ATP8A1: variants seen among roughly 807,000 people sequenced by gnomAD.
ATP8A1 encodes the protein phospholipid-transporting ATPase IA.
In ATP8A1, 90 loss-of-function variants were observed where a neutral mutation model predicts 177.7. That is an observed-to-expected ratio of 0.51 (90% CI 0.43 to 0.60). The LOEUF (loss-of-function observed/expected upper bound fraction) is 0.60, where lower values mean the gene tolerates loss of function less well. Among genes scored for constraint, ATP8A1 ranks in the 20% least tolerant of loss-of-function variants. The pLI is 0.00. For synonymous variants in ATP8A1, 493 were observed against 485.9 expected (o/e 1.01, Z -0.19); for missense variants, 1,072 against 1,392.8 (o/e 0.77, Z 3.67).
intron 24 of ATP8A1, among the ~76,000 whole-genome samples, chr4:42,489,179 G>A (rs1722499669): frequency 6.6e-6 from 1 of 152,258 alleles, no homozygotes; most frequent in Non-Finnish European, 1.5e-5. Flanking sequence ...TTGCCCAAGT[G>A]ATTTCTGAGC....
chr4:42,575,819 T>A, intron 12 of ATP8A1, 120 bp from the exon 13 acceptor site: 1 of 805,558 alleles, frequency 1.2e-6, no homozygotes, highest in Non-Finnish European at 2.0e-6. Flanking sequence ...GAACTATATG[T>A]AGGCACTAAT....
chr4:42,638,993 G>A (rs1420016850), intron 1 of ATP8A1, among the ~76,000 whole-genome samples: 1 of 152,144 alleles, frequency 6.6e-6, no homozygotes, highest in African/African-American at 2.4e-5. Flanking sequence ...GACTGTCAAA[G>A]GGGAATACCA....
intron 20 of ATP8A1, among the ~76,000 whole-genome samples, chr4:42,542,964 A>G (rs1346692247): frequency 6.6e-6 from 1 of 152,122 alleles, no homozygotes; most frequent in Non-Finnish European, 1.5e-5. Flanking sequence ...TTATCTTCCT[A>G]TCTCCAAAAT....
chr4:42,556,685 A>C (rs2153213596), intron 15 of ATP8A1, among the ~76,000 whole-genome samples: 1 of 152,272 alleles, frequency 6.6e-6, no homozygotes, highest in Middle Eastern at 3.4e-3. Context: ...GGAGTCAATT[A>C]TCTCTGCAAA....
chr4:42,434,412 C>T (rs1006820182), intron 33 of ATP8A1, among the ~76,000 whole-genome samples: 2 of 152,132 alleles, frequency 1.3e-5, no homozygotes, highest in Admixed American at 6.5e-5. Context: ...CTGTAAAACA[C>T]AATAACCTGC....
intron 5 of ATP8A1, among the ~76,000 whole-genome samples, chr4:42,601,126 C>A (rs1337075856): frequency 6.7e-6 from 1 of 149,358 alleles, no homozygotes; most frequent in African/African-American, 2.5e-5. Flanking sequence ...ACCTCCGCCT[C>A]CCAGGTTCAA....
chr4:42,597,780 A>T (rs921867656), intron 6 of ATP8A1, among the ~76,000 whole-genome samples: 1 of 152,166 alleles, frequency 6.6e-6, no homozygotes. Flanking sequence ...TCTCAATATA[A>T]ATAGCCAAAC....
chr4:42,473,450 G>A (rs1720687861), intron 25 of ATP8A1, among the ~76,000 whole-genome samples: 1 of 151,976 alleles, frequency 6.6e-6, no homozygotes, highest in African/African-American at 2.4e-5. Context: ...GCTCTCAACT[G>A]GGAAGCACTT....
At chr4:42,625,010 TTTTTGTAAACGAAGTCAATAAACG>T (rs374924219) in intron 3 of ATP8A1, 6 of 155,474 alleles carry the variant, frequency 3.9e-5, no homozygotes, top group African/African-American at 1.4e-4. Flanking sequence ...TATGATCCCC[TTTTTGTAAACGAAGTCAATAAACG>T]ATGCTTGGGA....
intron 24 of ATP8A1, among the ~76,000 whole-genome samples, chr4:42,497,244 G>A (rs1483964846): frequency 6.6e-6 from 1 of 152,174 alleles, no homozygotes; most frequent in African/African-American, 2.4e-5. Context: ...ATCTGGAACT[G>A]AGACAAACAC....
At chr4:42,443,805 C>G (rs1451544049) in intron 32 of ATP8A1, 133 bp from the exon 33 acceptor site, 2 of 553,518 alleles carry the variant, frequency 3.6e-6, no homozygotes, top group African/African-American at 3.8e-5. Context: ...GAGTTTCTAC[C>G]TAATTGTGTG....
At chr4:42,451,012 T>C (rs1717873882) in intron 30 of ATP8A1, among the ~76,000 whole-genome samples, 1 of 152,114 alleles carries the variant, frequency 6.6e-6, no homozygotes, top group African/African-American at 2.4e-5. Flanking sequence ...ACCTGAGGCA[T>C]CGGAGGGGAG....
chr4:42,597,183 G>A (rs563672485), intron 6 of ATP8A1, among the ~76,000 whole-genome samples: 117 of 152,266 alleles, frequency 7.7e-4, no homozygotes, highest in Middle Eastern at 3.4e-3. Flanking sequence ...TAGAAAGGCA[G>A]AGAAAGAGCC....
At chr4:42,457,325 G>A (rs1340353612) in intron 27 of ATP8A1, among the ~76,000 whole-genome samples, 1 of 152,180 alleles carries the variant, frequency 6.6e-6, no homozygotes, top group Non-Finnish European at 1.5e-5. Context: ...GGCCTGAGAT[G>A]TGGATTATGT....
chr4:42,471,714 T>C lies in ATP8A1; in HGVS notation c.2325-6638A>G, dbSNP rs967742233. On this transcript the variant is annotated intron_variant, in intron 25 of 36. Coordinates refer to ENST00000381668, the MANE Select transcript of ATP8A1 (RefSeq NM_006095.2). Reference sequence around the variant, plus strand: ...TTCATTTTCTCTTCAGAAAATATCATCTAGTTATATTGAACCTAGCACTGT... The same window carrying C: ...TTCATTTTCTCTTCAGAAAATATCACCTAGTTATATTGAACCTAGCACTGT... The C allele has an allele frequency of 3.3e-5, 9 of 271,796 alleles. No homozygotes were observed. The East Asian group carries it at 4.2e-4, about 13-fold the overall frequency. 16.8% of individuals were successfully genotyped at this position (271,796 alleles called of 1,614,324 possible).
rs1360136046 is a variant in ATP8A1 at position 42,586,484 on chromosome 4, G to A, written c.595-8C>T. 1 of 1,612,234 alleles carries A rather than the reference G, an allele frequency of 6.2e-7. No individual in the cohort carries two copies. ...TGATGTTGCTGGTAAGCCCTGTTTG[G>A]AATTTTTAAATAAGCAAAAAGTATA... On this transcript the variant is annotated splice_polypyrimidine_tract_variant and splice_region_variant and intron_variant, in intron 8 of 36. Coordinates refer to ENST00000381668, the MANE Select transcript of ATP8A1 (RefSeq NM_006095.2).
intron 25 of ATP8A1, among the ~76,000 whole-genome samples, chr4:42,483,914 C>CA (rs144433567): frequency 0.012 from 1,900 of 152,278 alleles, 44 homozygotes; most frequent in African/African-American, 0.043. Context: ...CCAGCACACA[C>CA]AAAGTAGGCA....
chr4:42,555,139 A>ATCTATCTATCTATCTAATCAATCT (rs1553903246), intron 16 of ATP8A1, among the ~76,000 whole-genome samples: 1 of 59,528 alleles, frequency 1.7e-5, no homozygotes, highest in East Asian at 4.3e-4. Flanking sequence ...CTATCTATCT[A>ATCTATCTATCTATCTAATCAATCT]ATCTATCTAT....
chr4:42,513,122 T>G (rs1725181404), intron 22 of ATP8A1, among the ~76,000 whole-genome samples: 1 of 152,178 alleles, frequency 6.6e-6, no homozygotes, highest in Admixed American at 6.6e-5. Flanking sequence ...ATCCCATCTT[T>G]GCACCTGGCT....
Sources: gnomAD v4.1 joint callset for allele counts (sites outside exome capture counted in the v4.1 genomes callset) on GRCh38, gnomAD v4.1.1 for gene constraint, MANE v1.5 for transcripts, NCBI Gene and HGNC (gene_info 2026-07-23, HGNC 2026-07-21) for gene names.